The following MAP3K20 variants were observed in gnomAD, a reference collection of about 807,000 sequenced individuals.
The protein encoded by MAP3K20 is HCCS-4.
MAP3K20 carries 40 observed loss-of-function variants against 85.7 expected under a neutral mutation model. That is an observed-to-expected ratio of 0.47 (90% CI 0.36 to 0.61). The LOEUF (loss-of-function observed/expected upper bound fraction) is 0.61, where lower values mean the gene tolerates loss of function less well. Ranked by LOEUF, MAP3K20 falls within the 20% of genes least tolerant of loss-of-function variation. The probability of loss-of-function intolerance (pLI) is 0.00; values close to 1 mark genes in which losing one functional copy is unlikely to be tolerated. For synonymous variants in MAP3K20, 325 were observed against 327.7 expected (o/e 0.99, Z 0.09); for missense variants, 817 against 961.7 (o/e 0.85, Z 1.99).
chr2:173,145,541 G>T (rs1689112998), intron 2 of MAP3K20, among the ~76,000 whole-genome samples: 1 of 152,100 alleles, frequency 6.6e-6, no homozygotes, highest in Non-Finnish European at 1.5e-5. Context: ...AGTGGTTAAG[G>T]ATATCAAATG....
chr2:173,264,168 T>C (rs1447167344), intron 19 of MAP3K20, among the ~76,000 whole-genome samples: 1 of 152,230 alleles, frequency 6.6e-6, no homozygotes, highest in African/African-American at 2.4e-5. Flanking sequence ...ACTCTGGGGA[T>C]AGGAGCTGCA....
At chr2:173,075,821 T>C, upstream of MAP3K20, 1 of 985,198 alleles carries the variant, frequency 1.0e-6, no homozygotes, top group Non-Finnish European at 1.2e-6. Context: ...GGGAGGTAGG[T>C]GGTGCTGTTG....
At chr2:173,139,036 T>C (rs1199788158) in intron 2 of MAP3K20, among the ~76,000 whole-genome samples, 1 of 152,188 alleles carries the variant, frequency 6.6e-6, no homozygotes, top group Non-Finnish European at 1.5e-5. Context: ...GTAACTTTTG[T>C]TAACGTTTGA....
chr2:173,264,603 T>TAG lies in MAP3K20; in HGVS notation c.1702+709_1702+710insGA, dbSNP rs371523264. 2.5e-4 allele frequency among the ~76,000 whole-genome samples: 38 copies of TAG among 152,292 alleles called. 2 individuals are homozygous for TAG. Among genetic ancestry groups the TAG allele is most frequent in the African/African-American group, 8.7e-4 (36 of 41,570 alleles). On this transcript the variant is annotated intron_variant, in intron 19 of 19. Coordinates refer to ENST00000375213, the MANE Select transcript of MAP3K20 (RefSeq NM_016653.3). ...AAACATAGCATGAGCACATCTGACT[T>TAG]AAACTAATTAAAGTCGATCCCTGGA...
chr2:173,210,071 G>A (rs1282855212), intron 10 of MAP3K20: 11 of 472,318 alleles, frequency 2.3e-5, no homozygotes, highest in Non-Finnish European at 3.5e-5. Context: ...GAATATTGAG[G>A]CCGGTCGCGG....
rs1331640328 is a variant in MAP3K20, at chr2:173,215,339, T to C, written c.852-1776T>C. 3.9e-5 allele frequency among the ~76,000 whole-genome samples: 6 copies of C among 152,280 alleles called. No homozygotes were observed. The East Asian group carries it at 1.2e-3, about 29-fold the overall frequency. ...TGACTGAAGATGGCTCACTCTTTTC[T>C]TTTTTTGTGACAAAAATTTACCCTA... On this transcript the variant is annotated intron_variant, in intron 10 of 19. Coordinates refer to ENST00000375213, the MANE Select transcript of MAP3K20 (RefSeq NM_016653.3).
chr2:173,134,388 C>CATATACATATACA (rs1333117176), intron 2 of MAP3K20, among the ~76,000 whole-genome samples: 7 of 43,428 alleles, frequency 1.6e-4, no homozygotes, highest in African/African-American at 6.6e-4. Flanking sequence ...GTGTGTGTCT[C>CATATACATATACA]TATACATATA....
At position 173,266,780 on chromosome 2, in the gene MAP3K20, G is replaced by T; in HGVS notation, c.*30G>T. ...TTGAACTACATAGCTTTTCTAAGCA[G>T]GTTAAAAAAAAAAAAAAAAAGAAAT... On this transcript the variant is annotated 3_prime_UTR_variant, in exon 20 of 20. Transcript: ENST00000375213. The T allele has an allele frequency of 2.4e-5, 21 of 885,216 alleles. No homozygotes were observed. The highest frequency in any genetic ancestry group is 3.1e-5 in the Non-Finnish European group (20 of 650,872). The allele number at this position is 885,216 out of a possible 1,614,324, so 54.8% of individuals were successfully genotyped here.
chr2:173,167,387 A>G (rs1330188214), intron 2 of MAP3K20, among the ~76,000 whole-genome samples: 1 of 152,158 alleles, frequency 6.6e-6, no homozygotes, highest in African/African-American at 2.4e-5. Context: ...TCATGATGTC[A>G]TTTGACCTTC....
intron 2 of MAP3K20, among the ~76,000 whole-genome samples, chr2:173,101,342 A>G (rs1363838249): frequency 2.6e-5 from 4 of 152,204 alleles, no homozygotes; most frequent in Non-Finnish European, 5.9e-5. Context: ...TTGTTAGATA[A>G]TATATTTACC....
intron 2 of MAP3K20, among the ~76,000 whole-genome samples, chr2:173,096,141 C>T (rs2106154333): frequency 6.6e-6 from 1 of 152,266 alleles, no homozygotes; most frequent in Non-Finnish European, 1.5e-5. Flanking sequence ...CAGTGTGCTT[C>T]TCCTTAAACA....
At chr2:173,151,957 T>C (rs1415375028) in intron 2 of MAP3K20, among the ~76,000 whole-genome samples, 1 of 152,250 alleles carries the variant, frequency 6.6e-6, no homozygotes, top group East Asian at 1.9e-4. Context: ...CATTCATTCA[T>C]TGCAAAAGAA....
At chr2:173,261,985 C>T (rs1483975128) in intron 18 of MAP3K20, among the ~76,000 whole-genome samples, 1 of 151,618 alleles carries the variant, frequency 6.6e-6, no homozygotes, top group Non-Finnish European at 1.5e-5. Flanking sequence ...CCACTGCACT[C>T]CAGCCTGGGT....
At chr2:173,190,995 A>AT (rs770776732) in intron 6 of MAP3K20, 45 bp from the exon 7 acceptor site, 37 of 1,609,808 alleles carry the variant, frequency 2.3e-5, no homozygotes, top group Non-Finnish European at 3.1e-5. Flanking sequence ...TAATCCCTTA[A>AT]TTAGCCAATA....
intron 2 of MAP3K20, among the ~76,000 whole-genome samples, chr2:173,097,653 CA>C (rs1687502514): frequency 6.6e-6 from 1 of 152,154 alleles, no homozygotes; most frequent in African/African-American, 2.4e-5. Context: ...TACCAAATTT[CA>C]CTGCTTTAGA....
intron 11 of MAP3K20, among the ~76,000 whole-genome samples, chr2:173,218,717 G>T (rs1684148140): frequency 6.6e-6 from 1 of 152,228 alleles, no homozygotes; most frequent in African/African-American, 2.4e-5. Flanking sequence ...TCTAAATGTA[G>T]TATTGTAAGA....
rs552592097 is a variant in MAP3K20, at chr2:173,253,953, C to G, written c.1360-4746C>G. 1.1e-3 allele frequency among the ~76,000 whole-genome samples: 169 copies of G among 152,074 alleles called. 2 individuals are homozygous for G. Among genetic ancestry groups the G allele is most frequent in the African/African-American group, 3.9e-3 (160 of 41,502 alleles). On this transcript the variant is annotated intron_variant, in intron 16 of 19. Transcript: ENST00000375213. The stretch of plus-strand genomic sequence containing the variant: ...GGGCATGGTGACACACGCCTGTGGT[C>G]CCAGCTACCTGGGAGGCTGATGTGG...
chr2:173,180,607 T>C (rs976901195), intron 3 of MAP3K20, among the ~76,000 whole-genome samples: 10 of 151,300 alleles, frequency 6.6e-5, no homozygotes, highest in South Asian at 2.1e-4. Flanking sequence ...ACCCAGGAGG[T>C]TGAGGCTGCA....
At chr2:173,080,444 T>C (rs897202884) in intron 1 of MAP3K20, among the ~76,000 whole-genome samples, 2 of 152,118 alleles carry the variant, frequency 1.3e-5, no homozygotes, top group Non-Finnish European at 2.9e-5. Flanking sequence ...GCCTGGGAAG[T>C]CCAGGTACAT....
Sources: allele counts gnomAD v4.1 joint callset (sites outside exome capture counted in the v4.1 genomes callset), GRCh38; gene constraint gnomAD v4.1.1; transcripts MANE v1.5; gene names NCBI Gene and HGNC (gene_info 2026-07-23, HGNC 2026-07-21).